Variants in CHAF1A observed in about 807,000 individuals in gnomAD.
CHAF1A encodes the protein chromatin assembly factor 1 subunit A, also known as CAF-1 subunit A.
CHAF1A carries 5 observed loss-of-function variants against 93.2 expected under a neutral mutation model. That is an observed-to-expected ratio of 0.05 (90% CI 0.03 to 0.11). CHAF1A has a LOEUF of 0.11. Ranked by LOEUF, CHAF1A falls within the 10% of genes least tolerant of loss-of-function variation. CHAF1A has a pLI of 1.00. For missense variants in CHAF1A, 1,102 were observed against 1,259.9 expected (o/e 0.87, Z 1.90); for synonymous variants, 504 against 510.3 (o/e 0.99, Z 0.17).
chr19:4,443,158 T>C lies in CHAF1A; in HGVS notation c.*133T>C, dbSNP rs1285638351. The C allele has an allele frequency of 2.8e-6, 2 of 710,334 alleles. No individual in the cohort carries two copies. The highest frequency in any genetic ancestry group is 3.5e-5 in the African/African-American group (2 of 57,080). 44.0% of individuals were successfully genotyped at this position (710,334 alleles called of 1,614,324 possible). On this transcript the variant is annotated 3_prime_UTR_variant, in exon 15 of 15. Coordinates refer to ENST00000301280, the MANE Select transcript of CHAF1A (RefSeq NM_005483.3). ...TCCCCAAAGTGTGCAGAGTTCTATA[T>C]AGGATGCTGGATTAGTTCCTTTGAT...
rs1347021164 is a variant in CHAF1A at position 4,408,127 on chromosome 19, C to G, written c.104-776C>G. Among the ~76,000 whole-genome samples the G allele has an allele frequency of 2.6e-5, 4 of 151,616 alleles. No individual in the cohort carries two copies. The East Asian group carries it at 7.8e-4, about 30-fold the overall frequency. ...GCTCAAGCGATCCTCCTGCCTCAGC[C>G]TCCCGAAGTGCTGGGATTATAGATG... is the stretch of plus-strand genomic sequence containing the variant. On this transcript the variant is annotated intron_variant, in intron 2 of 14. Coordinates refer to ENST00000301280, the MANE Select transcript of CHAF1A (RefSeq NM_005483.3).
chr19:4,421,885 C>G (rs1350756506), intron 4 of CHAF1A, among the ~76,000 whole-genome samples: 1 of 150,074 alleles, frequency 6.7e-6, no homozygotes, highest in Non-Finnish European at 1.5e-5. Context: ...CTCAGTTGCC[C>G]AGGCTGGAGT....
intron 3 of CHAF1A, among the ~76,000 whole-genome samples, chr19:4,414,667 A>G (rs1019963359): frequency 6.6e-6 from 1 of 152,162 alleles, no homozygotes; most frequent in Non-Finnish European, 1.5e-5. Flanking sequence ...GTGATATCCC[A>G]TGGTGTGGAC....
chr19:4,438,017 A>G (rs951935949), intron 13 of CHAF1A, among the ~76,000 whole-genome samples: 14 of 152,188 alleles, frequency 9.2e-5, no homozygotes, highest in African/African-American at 3.1e-4. Context: ...CTAGGATTAC[A>G]GGCGTGAGAC....
At chr19:4,429,146 C>T (rs1316234135) in intron 8 of CHAF1A, 4 of 587,618 alleles carry the variant, frequency 6.8e-6, no homozygotes, top group Non-Finnish European at 1.2e-5. Flanking sequence ...GTGAAGGATA[C>T]CCCCCAACAC....
At chr19:4,448,324 A>G (rs1974582123), downstream of CHAF1A, 2 of 1,606,112 alleles carry the variant, frequency 1.2e-6, no homozygotes, top group Non-Finnish European at 1.7e-6. Context: ...TCACTTGGCA[A>G]TGGTGTCCAC....
intron 2 of CHAF1A, among the ~76,000 whole-genome samples, chr19:4,406,276 C>G (rs192947387): frequency 5.8e-4 from 89 of 152,318 alleles, no homozygotes; most frequent in Admixed American, 1.1e-3. Flanking sequence ...CAAGTCGTAA[C>G]AACCAAAAAT....
chr19:4,426,587 G>T (rs1374935241), intron 7 of CHAF1A, among the ~76,000 whole-genome samples: 1 of 152,004 alleles, frequency 6.6e-6, no homozygotes, highest in East Asian at 1.9e-4. Flanking sequence ...TGATTCTCTT[G>T]CCTCAGCCTC....
chr19:4,419,344 G>A (rs561481501), intron 4 of CHAF1A, among the ~76,000 whole-genome samples: 1 of 152,120 alleles, frequency 6.6e-6, no homozygotes, highest in Non-Finnish European at 1.5e-5. Context: ...AGTGTTTCCT[G>A]AGCTCCCTGA....
intron 8 of CHAF1A, 164 bp downstream of exon 8, chr19:4,429,054 C>A: frequency 1.6e-6 from 1 of 616,480 alleles, no homozygotes; most frequent in South Asian, 2.0e-5. Flanking sequence ...CTCCACCTGG[C>A]CTTCCTGTAA....
chr19:4,447,442 G>A (rs747946051), downstream of CHAF1A: 16 of 1,233,654 alleles, frequency 1.3e-5, no homozygotes, highest in Middle Eastern at 2.7e-4. Flanking sequence ...CTCAACTCTC[G>A]CTAGCTCCTC....
At chr19:4,447,803 C>A (rs1974569263), downstream of CHAF1A, 1 of 628,502 alleles carries the variant, frequency 1.6e-6, no homozygotes, top group South Asian at 1.8e-5. Context: ...ACCTCGGACA[C>A]CCCATGGAGC....
intron 13 of CHAF1A, among the ~76,000 whole-genome samples, chr19:4,439,249 C>G (rs1375932467): frequency 6.6e-6 from 1 of 151,732 alleles, no homozygotes; most frequent in African/African-American, 2.4e-5. Flanking sequence ...CCACTGCACT[C>G]CAGCCTGGGC....
intron 4 of CHAF1A, among the ~76,000 whole-genome samples, chr19:4,419,042 T>TA (rs1973945953): frequency 6.8e-6 from 1 of 147,392 alleles, no homozygotes; most frequent in South Asian, 2.2e-4. Context: ...TTTTTTTTTT[T>TA]TTTTTTTTTT....
At chr19:4,431,725 A>G (rs907585156) in intron 11 of CHAF1A, among the ~76,000 whole-genome samples, 130 of 152,184 alleles carry the variant, frequency 8.5e-4, no homozygotes, top group African/African-American at 3.1e-3. Flanking sequence ...GGGTGAGTTC[A>G]GAAATATCTG....
At chr19:4,450,355 G>A in the CHAF1A span, 1 of 151,926 alleles carries the variant, frequency 6.6e-6, no homozygotes, top group African/African-American at 2.4e-5. Context: ...ATTATACAGA[G>A]ATCAAAAAAT....
chr19:4,422,922 C>A lies in CHAF1A; in HGVS notation c.1247+127C>A. On this transcript the variant is annotated intron_variant, in intron 5 of 14. Transcript: ENST00000301280. The surrounding 1 kb of genome is among the most constrained non-coding windows in gnomAD (Gnocchi z 4.6). The stretch of plus-strand genomic sequence containing the variant: ...TCCCTTCAGTTCCTTCCCATTTCTC[C>A]TTCGTGAGGTGCCCGTGGGGCCCTG... 1.1e-6 allele frequency: 1 copy of A among 910,854 alleles called. No homozygotes were observed. The highest frequency in any genetic ancestry group is 1.7e-6 in the Non-Finnish European group (1 of 600,940). The allele number at this position is 910,854 out of a possible 1,614,324, so 56.4% of individuals were successfully genotyped here.
chr19:4,436,938 T>G (rs1974294745), intron 13 of CHAF1A, among the ~76,000 whole-genome samples: 1 of 152,178 alleles, frequency 6.6e-6, no homozygotes, highest in South Asian at 2.1e-4. Flanking sequence ...AGTGCCTGTT[T>G]ATCATCCCTA....
intron 3 of CHAF1A, among the ~76,000 whole-genome samples, chr19:4,414,853 A>G (rs1973870366): frequency 6.6e-6 from 1 of 152,104 alleles, no homozygotes. Flanking sequence ...GCACTCTCTC[A>G]TGCTTGGGCC....
Sources: allele counts gnomAD v4.1 joint callset (sites outside exome capture counted in the v4.1 genomes callset), GRCh38; gene constraint gnomAD v4.1.1; non-coding constraint Gnocchi (gnomAD v3.1); transcripts MANE v1.5; gene names NCBI Gene and HGNC (gene_info 2026-07-23, HGNC 2026-07-21).